NEK7: variants seen among roughly 807,000 people sequenced by gnomAD.
The protein encoded by NEK7 is NIMA related kinase 7.
A neutral mutation model predicts 44.6 loss-of-function variants in NEK7; 18 were observed. The observed-to-expected ratio is 0.40, with a 90% CI of 0.28 to 0.60. The LOEUF (loss-of-function observed/expected upper bound fraction) is 0.60. NEK7 is among the 20% of genes least tolerant of loss of function. The pLI, the probability that NEK7 is intolerant of heterozygous loss-of-function variation, is 0.38. For synonymous variants in NEK7, 130 were observed against 121.1 expected (o/e 1.07, Z -0.48); for missense variants, 256 against 366.5 (o/e 0.70, Z 2.46).
chr1:198,209,529 TAAG>T (rs1315110839), intron 1 of NEK7, among the ~76,000 whole-genome samples: 1 of 152,220 alleles, frequency 6.6e-6, no homozygotes, highest in African/African-American at 2.4e-5. Flanking sequence ...TTGATAATGA[TAAG>T]AATAATATCC....
intron 1 of NEK7, chr1:198,220,801 G>C (rs1479237430): frequency 6.6e-6 from 1 of 152,018 alleles, no homozygotes; most frequent in Non-Finnish European, 1.5e-5. Flanking sequence ...ATACAGCTCA[G>C]TCAATAATTT....
Position 198,234,760 on chromosome 1 carries a change from C to T in NEK7, c.57+2123C>T, listed in dbSNP as rs1379867789. On this transcript the variant is annotated intron_variant, in intron 2 of 9. Transcript: ENST00000367385. The stretch of plus-strand genomic sequence containing the variant: ...CTGCTGCTGCTCCTGTGTGGGTGGA[C>T]TTCTTTCCCTGTTGGAAACAGGCAA... 3.9e-5 allele frequency among the ~76,000 whole-genome samples: 6 copies of T among 152,284 alleles called. No homozygotes were observed. In the East Asian group the frequency reaches 1.2e-3, roughly 29 times the overall value.
intron 2 of NEK7, among the ~76,000 whole-genome samples, chr1:198,235,248 T>C (rs1238737251): frequency 6.6e-6 from 1 of 152,188 alleles, no homozygotes; most frequent in Non-Finnish European, 1.5e-5. Flanking sequence ...CACCCCATAA[T>C]GTATAATATG....
chr1:198,303,346 G>A (rs1654940376), intron 9 of NEK7, among the ~76,000 whole-genome samples: 1 of 151,504 alleles, frequency 6.6e-6, no homozygotes, highest in African/African-American at 2.4e-5. Flanking sequence ...AATATAACTG[G>A]GTTTCAAACC....
At chr1:198,203,620 C>T (rs1417388715) in intron 1 of NEK7, among the ~76,000 whole-genome samples, 1 of 152,206 alleles carries the variant, frequency 6.6e-6, no homozygotes. Context: ...AATAAAGCCC[C>T]TTTTCATCCA....
At chr1:198,274,331 G>A (rs1028146427) in intron 5 of NEK7, among the ~76,000 whole-genome samples, 5 of 151,274 alleles carry the variant, frequency 3.3e-5, no homozygotes, top group Admixed American at 6.6e-5. Context: ...CCCTGGGTTG[G>A]CTACACAATT....
chr1:198,188,327 C>T (rs60300452), intron 1 of NEK7, among the ~76,000 whole-genome samples: 15,577 of 152,140 alleles, frequency 0.1, 1,038 homozygotes, highest in East Asian at 0.22. Context: ...GTGATGAAAG[C>T]AAGGCAGTTT....
At chr1:198,198,272 C>T (rs937801232) in intron 1 of NEK7, 3 of 501,314 alleles carry the variant, frequency 6.0e-6, no homozygotes, top group Non-Finnish European at 1.1e-5. Flanking sequence ...AGGGAACCCC[C>T]CATGTGACCA....
At chr1:198,175,159 GTGTC>G (rs1664569837) in intron 1 of NEK7, among the ~76,000 whole-genome samples, 1 of 152,172 alleles carries the variant, frequency 6.6e-6, no homozygotes, top group African/African-American at 2.4e-5. Flanking sequence ...GCATAGAACA[GTGTC>G]TGTAATAGAG....
At chr1:198,250,417 A>G (rs1652901648) in intron 2 of NEK7, among the ~76,000 whole-genome samples, 1 of 152,110 alleles carries the variant, frequency 6.6e-6, no homozygotes, top group Non-Finnish European at 1.5e-5. Flanking sequence ...TTCTGTGAAG[A>G]AAGTCATTGG....
chr1:198,317,516 C>T (rs1655404128), intron 9 of NEK7, among the ~76,000 whole-genome samples: 1 of 152,164 alleles, frequency 6.6e-6, no homozygotes, highest in South Asian at 2.1e-4. Context: ...GGTTTTTCCT[C>T]ATGCCAGGAG....
At chr1:198,170,005 A>G (rs1429631629) in intron 1 of NEK7, among the ~76,000 whole-genome samples, 1 of 152,192 alleles carries the variant, frequency 6.6e-6, no homozygotes, top group Non-Finnish European at 1.5e-5. Flanking sequence ...GGGAATGCCC[A>G]GAACAATTGA....
rs537862004 is a variant in NEK7 at position 198,317,877 on chromosome 1, A to ATTTTTGTTTTTTTTT, written c.799-1530_799-1529insGTTTTTTTTTTTTTT. ...GCATTGTGTATTACTGGATATATTT[A>ATTTTTGTTTTTTTTT]TTTTTTTTTTTTTTTTTTTTTTTGG... On this transcript the variant is annotated intron_variant, in intron 9 of 9. Transcript: ENST00000367385. Among the ~76,000 whole-genome samples, 8 of 70,266 alleles carry ATTTTTGTTTTTTTTT rather than the reference A, an allele frequency of 1.1e-4. 2 individuals are homozygous for ATTTTTGTTTTTTTTT. The highest frequency in any genetic ancestry group is 2.0e-4 in the Admixed American group (1 of 4,880). The allele number at this position is 70,266 out of a possible 152,430, so 46.1% of individuals were successfully genotyped here. A position where few individuals can be genotyped will look rare whatever the true frequency, so the allele number is the denominator to read the frequency against.
chr1:198,185,190 A>ATTT (rs919588030), intron 1 of NEK7, among the ~76,000 whole-genome samples: 60 of 83,812 alleles, frequency 7.2e-4, no homozygotes, highest in South Asian at 1.2e-3. Context: ...CATGCTGTCT[A>ATTT]TTTTTTTTTT....
Position 198,160,953 on chromosome 1 carries a change from G to T in NEK7, c.-29+3677G>T, listed in dbSNP as rs143148388. On this transcript the variant is annotated intron_variant, in intron 1 of 9. Coordinates refer to ENST00000367385, the MANE Select transcript of NEK7 (RefSeq NM_133494.3). ...TATATTTCATGCTTTTCAGTGGGCAGTGGGAATGAGAAGGACAGATGATCA... is the reference window on the plus strand; with the variant it reads ...TATATTTCATGCTTTTCAGTGGGCATTGGGAATGAGAAGGACAGATGATCA... Among the ~76,000 whole-genome samples the T allele has an allele frequency of 2.7e-3, 409 of 152,306 alleles. 2 individuals are homozygous for T. The highest frequency in any genetic ancestry group is 5.4e-3 in the South Asian group (26 of 4,822).
intron 1 of NEK7, among the ~76,000 whole-genome samples, chr1:198,162,469 T>C (rs1050187043): frequency 6.6e-6 from 1 of 152,212 alleles, no homozygotes; most frequent in Non-Finnish European, 1.5e-5. Flanking sequence ...AGTTGCTCAT[T>C]TTATTCAGAC....
Position 198,157,068 on chromosome 1 carries a change from C to G in NEK7, c.-237C>G, listed in dbSNP as rs914598875. The G allele has an allele frequency of 6.6e-6, 1 of 152,050 alleles. No individual in the cohort carries two copies. Among genetic ancestry groups the G allele is most frequent in the Admixed American group, 6.6e-5 (1 of 15,264 alleles). The allele number at this position is 152,050 out of a possible 1,614,324, so 9.4% of individuals were successfully genotyped here. ...GGAGGATGGGCCGCCGCTAGGCTCG[C>G]ACTCCGGACGCGCCTCGCAGTGCGC... On this transcript the variant is annotated 5_prime_UTR_variant, in exon 1 of 10. Coordinates refer to ENST00000367385, the MANE Select transcript of NEK7 (RefSeq NM_133494.3).
At chr1:198,157,844 G>A (rs1663962006) in intron 1 of NEK7, among the ~76,000 whole-genome samples, 1 of 152,178 alleles carries the variant, frequency 6.6e-6, no homozygotes, top group Non-Finnish European at 1.5e-5. Context: ...AGAGACTCGG[G>A]ATTACAAAAT....
rs151232133 is a variant in NEK7, at chr1:198,185,930, G to A, written c.-29+28654G>A. 4.4e-3 allele frequency among the ~76,000 whole-genome samples: 666 copies of A among 152,246 alleles called. 8 individuals carry two copies. The highest frequency in any genetic ancestry group is 0.021 in the South Asian group (101 of 4,828). Reference sequence around the variant, plus strand: ...TTCATCAGGCTGTACCAGTAGGCACGTTCTGAAATATTAAAAGTGAAAATG... The same window carrying A: ...TTCATCAGGCTGTACCAGTAGGCACATTCTGAAATATTAAAAGTGAAAATG... On this transcript the variant is annotated intron_variant, in intron 1 of 9. Coordinates refer to ENST00000367385, the MANE Select transcript of NEK7 (RefSeq NM_133494.3).
Sources: allele counts gnomAD v4.1 joint callset (sites outside exome capture counted in the v4.1 genomes callset), GRCh38; gene constraint gnomAD v4.1.1; transcripts MANE v1.5; gene names NCBI Gene and HGNC (gene_info 2026-07-23, HGNC 2026-07-21).